The following MAP4K3 variants were observed in gnomAD, a reference collection of about 807,000 sequenced individuals.
The protein encoded by MAP4K3 is MAPK/ERK kinase kinase kinase 3.
MAP4K3 carries 94 observed loss-of-function variants against 143.5 expected under a neutral mutation model. The ratio of observed to expected loss-of-function variants is 0.65; its 90% CI spans 0.55 to 0.78. The LOEUF is 0.78. Among genes scored for constraint, MAP4K3 ranks in the 30% least tolerant of loss-of-function variants. MAP4K3 has a pLI of 0.00. For synonymous variants in MAP4K3, 416 were observed against 347.2 expected (o/e 1.20, Z -2.20); for missense variants, 1,077 against 1,068.1 (o/e 1.01, Z -0.12).
At chr2:39,275,915 C>T (rs907132967) in intron 24 of MAP4K3, among the ~76,000 whole-genome samples, 4 of 152,102 alleles carry the variant, frequency 2.6e-5, no homozygotes, top group African/African-American at 9.7e-5. Context: ...CTCCGTTGCC[C>T]AGGCTGGAGT....
At chr2:39,279,921 C>G (rs1429123103) in intron 23 of MAP4K3, among the ~76,000 whole-genome samples, 2 of 152,062 alleles carry the variant, frequency 1.3e-5, no homozygotes, top group Admixed American at 1.3e-4. Context: ...CCACTGTACT[C>G]TAGCCTGGGT....
chr2:39,419,280 AAGTTT>A (rs1453411025), intron 1 of MAP4K3, among the ~76,000 whole-genome samples: 1 of 152,154 alleles, frequency 6.6e-6, no homozygotes, highest in Non-Finnish European at 1.5e-5. Context: ...CAGACAAAAT[AAGTTT>A]AGTTTACAGA....
At chr2:39,340,149 T>C (rs1326144980) in intron 4 of MAP4K3, among the ~76,000 whole-genome samples, 1 of 152,200 alleles carries the variant, frequency 6.6e-6, no homozygotes, top group Non-Finnish European at 1.5e-5. Context: ...TTCCCCTTCA[T>C]TAAATAAATT....
chr2:39,337,474 TA>T, intron 5 of MAP4K3, 51 bp downstream of exon 5: 1 of 1,356,322 alleles, frequency 7.4e-7, no homozygotes, highest in Non-Finnish European at 1.1e-6. Context: ...GCACAGTAAG[TA>T]AAGCCTTAGT....
intron 24 of MAP4K3, among the ~76,000 whole-genome samples, chr2:39,273,399 C>G (rs1046767088): frequency 6.6e-6 from 1 of 152,138 alleles, no homozygotes; most frequent in South Asian, 2.1e-4. Context: ...CTGAGGCAGA[C>G]TGAAGTTTGA....
intron 2 of MAP4K3, among the ~76,000 whole-genome samples, chr2:39,357,715 T>A (rs1665650104): frequency 6.6e-6 from 1 of 152,236 alleles, no homozygotes; most frequent in Admixed American, 6.5e-5. Context: ...CATTGAGGAT[T>A]CCTGATTTTC....
chr2:39,380,783 T>C (rs1666337873), intron 1 of MAP4K3, among the ~76,000 whole-genome samples: 2 of 152,168 alleles, frequency 1.3e-5, no homozygotes, highest in African/African-American at 4.8e-5. Context: ...TATTTAAAGC[T>C]TTCACTAAAT....
At chr2:39,298,530 T>C (rs1410054404) in intron 16 of MAP4K3, among the ~76,000 whole-genome samples, 1 of 152,188 alleles carries the variant, frequency 6.6e-6, no homozygotes. Flanking sequence ...GGTATTTAGT[T>C]TATTAAAAAA....
chr2:39,311,140 C>T (rs1386006580), intron 13 of MAP4K3, among the ~76,000 whole-genome samples: 6 of 152,100 alleles, frequency 3.9e-5, no homozygotes, highest in Admixed American at 6.5e-5. Flanking sequence ...TGTAATGGCG[C>T]GATCTCAGCT....
intron 12 of MAP4K3, among the ~76,000 whole-genome samples, chr2:39,321,851 G>C (rs1683318438): frequency 6.6e-6 from 1 of 152,188 alleles, no homozygotes; most frequent in Non-Finnish European, 1.5e-5. Context: ...CCTTGTCTAT[G>C]ATGCAAAGAC....
chr2:39,433,390 C>A (rs1273632149), intron 1 of MAP4K3, among the ~76,000 whole-genome samples: 1 of 151,902 alleles, frequency 6.6e-6, no homozygotes, highest in Non-Finnish European at 1.5e-5. Context: ...TTCTTTCTAG[C>A]AAAAAATCTA....
intron 31 of MAP4K3, among the ~76,000 whole-genome samples, chr2:39,256,571 C>G (rs1680349455): frequency 6.6e-6 from 1 of 151,796 alleles, no homozygotes; most frequent in Admixed American, 6.5e-5. Context: ...TGATGCTGAA[C>G]CATCCTTGCT....
chr2:39,262,523 T>G (rs1330800846), intron 28 of MAP4K3, among the ~76,000 whole-genome samples: 2 of 152,176 alleles, frequency 1.3e-5, no homozygotes, highest in Non-Finnish European at 2.9e-5. Context: ...TAAAGACGCA[T>G]CTTTAAACTT....
chr2:39,314,434 C>T (rs183233650), intron 13 of MAP4K3, among the ~76,000 whole-genome samples: 7 of 152,208 alleles, frequency 4.6e-5, no homozygotes, highest in Admixed American at 1.3e-4. Flanking sequence ...ATGCCATTTT[C>T]GGAAAAATAG....
chr2:39,421,801 G>A (rs1170308394), intron 1 of MAP4K3, among the ~76,000 whole-genome samples: 2 of 151,760 alleles, frequency 1.3e-5, no homozygotes, highest in African/African-American at 2.4e-5. Flanking sequence ...CCCCCTACCA[G>A]GACTTCATTC....
At chr2:39,329,985 A>G (rs1683629514) in intron 8 of MAP4K3, among the ~76,000 whole-genome samples, 1 of 152,164 alleles carries the variant, frequency 6.6e-6, no homozygotes, top group African/African-American at 2.4e-5. Flanking sequence ...GTAGAACAAA[A>G]AAGATTTTTT....
rs1330758603 is a variant in MAP4K3 at position 39,265,690 on chromosome 2, T to TG, written c.2033-385dup. Among the ~76,000 whole-genome samples, 3 of 152,164 alleles carry TG rather than the reference T, an allele frequency of 2.0e-5. No homozygotes were observed. The East Asian group carries it at 5.8e-4, about 29-fold the overall frequency. On this transcript the variant is annotated intron_variant, in intron 27 of 33. Transcript: ENST00000263881. ...ACTCCTAAGATACAACACATTCGGG[T>TG]GGTTCACAAGGTGCTTTTGGTGGTA...
At chr2:39,332,920 ATTTG>A (rs1334011210) in intron 7 of MAP4K3, among the ~76,000 whole-genome samples, 1 of 151,960 alleles carries the variant, frequency 6.6e-6, no homozygotes, top group Non-Finnish European at 1.5e-5. Flanking sequence ...ACTGTTTTCT[ATTTG>A]TTATTAACTA....
chr2:39,273,963 T>A (rs1470331814), intron 24 of MAP4K3, among the ~76,000 whole-genome samples: 1 of 152,210 alleles, frequency 6.6e-6, no homozygotes, highest in African/African-American at 2.4e-5. Flanking sequence ...AGATACAGAT[T>A]TTTATTTAAT....
Sources: gnomAD v4.1 joint callset for allele counts (sites outside exome capture counted in the v4.1 genomes callset) on GRCh38, gnomAD v4.1.1 for gene constraint, MANE v1.5 for transcripts, NCBI Gene and HGNC (gene_info 2026-07-23, HGNC 2026-07-21) for gene names.